The following MAGI2 variants were observed in gnomAD, a reference collection of about 807,000 sequenced individuals.
The protein encoded by MAGI2 is membrane-associated guanylate kinase, WW and PDZ domain-containing protein 2.
In MAGI2, 35 loss-of-function variants were observed where a neutral mutation model predicts 133.3. That is an observed-to-expected ratio of 0.26 (90% confidence interval 0.20 to 0.35). The LOEUF (loss-of-function observed/expected upper bound fraction) is 0.35. MAGI2 is among the 10% of genes least tolerant of loss of function. MAGI2 has a pLI of 1.00. For synonymous variants in MAGI2, 729 were observed against 710.6 expected (o/e 1.03, Z -0.41); for missense variants, 1,636 against 1,863.4 (o/e 0.88, Z 2.25).
chr7:78,036,053 C>CTGTGTGTG (rs1428976240), intron 21 of MAGI2, among the ~76,000 whole-genome samples: 5 of 101,866 alleles, frequency 4.9e-5, no homozygotes, highest in African/African-American at 1.3e-4. Flanking sequence ...GTGTGTGTGT[C>CTGTGTGTG]TGCGTGTGTG....
chr7:78,698,574 G>A (rs1237224403), intron 2 of MAGI2, among the ~76,000 whole-genome samples: 1 of 152,144 alleles, frequency 6.6e-6, no homozygotes, highest in East Asian at 1.9e-4. Flanking sequence ...TATCCTGATA[G>A]ATACTTATTT....
chr7:78,419,266 A>T (rs927056815), intron 6 of MAGI2, among the ~76,000 whole-genome samples: 3 of 152,142 alleles, frequency 2.0e-5, no homozygotes, highest in Non-Finnish European at 4.4e-5. Flanking sequence ...GCCAAGAGGA[A>T]CCTTGGACAA....
intron 7 of MAGI2, among the ~76,000 whole-genome samples, chr7:78,366,991 A>T (rs1368204721): frequency 6.6e-6 from 1 of 152,222 alleles, no homozygotes; most frequent in East Asian, 1.9e-4. Context: ...TGTCAGCCTG[A>T]TCTAATTATA....
At chr7:78,298,432 A>ATGTT (rs1797510758) in intron 9 of MAGI2, among the ~76,000 whole-genome samples, 3 of 152,306 alleles carry the variant, frequency 2.0e-5, no homozygotes, top group Middle Eastern at 3.4e-3. Flanking sequence ...CTAAGGTAAG[A>ATGTT]TGTTAAGAAG....
chr7:79,026,121 G>A (rs943134164), intron 1 of MAGI2, among the ~76,000 whole-genome samples: 4 of 152,152 alleles, frequency 2.6e-5, no homozygotes, highest in African/African-American at 9.7e-5. Flanking sequence ...AGGCTACATT[G>A]CCTCTAGAAA....
At chr7:78,137,658 T>C (rs1822295699) in intron 16 of MAGI2, among the ~76,000 whole-genome samples, 1 of 152,136 alleles carries the variant, frequency 6.6e-6, no homozygotes, top group African/African-American at 2.4e-5. Context: ...AAGAGATGTG[T>C]TGGGTGGATT....
chr7:79,409,213 A>G (rs1033034990), intron 1 of MAGI2, among the ~76,000 whole-genome samples: 1 of 151,504 alleles, frequency 6.6e-6, no homozygotes, highest in African/African-American at 2.4e-5. Context: ...TAGAGGGGCC[A>G]AAGAATTAAA....
chr7:79,235,169 G>T (rs1219557177), intron 1 of MAGI2, among the ~76,000 whole-genome samples: 1 of 152,016 alleles, frequency 6.6e-6, no homozygotes, highest in Non-Finnish European at 1.5e-5. Context: ...CTCCAGCTGC[G>T]TGTTGGGAGA....
At chr7:78,234,168 A>G (rs1212165660) in intron 10 of MAGI2, among the ~76,000 whole-genome samples, 1 of 152,204 alleles carries the variant, frequency 6.6e-6, no homozygotes, top group Non-Finnish European at 1.5e-5. Flanking sequence ...TCCCAAATTT[A>G]TAGCCATTTA....
intron 2 of MAGI2, among the ~76,000 whole-genome samples, chr7:78,635,084 C>T (rs1809485312): frequency 6.6e-6 from 1 of 152,100 alleles, no homozygotes; most frequent in Admixed American, 6.6e-5. Context: ...TGAACAACAC[C>T]TCCTTCATGA....
intron 20 of MAGI2, among the ~76,000 whole-genome samples, chr7:78,083,382 G>GC (rs1419631431): frequency 1.2e-4 from 8 of 67,822 alleles, no homozygotes; most frequent in Admixed American, 2.8e-4. Context: ...GAGGGAGGGA[G>GC]GGGGGGAGAG....
At chr7:78,723,331 C>T (rs986645128) in intron 2 of MAGI2, among the ~76,000 whole-genome samples, 2 of 152,120 alleles carry the variant, frequency 1.3e-5, no homozygotes, top group African/African-American at 4.8e-5. Context: ...TTATTTAGCA[C>T]TTACTAAATT....
At chr7:79,378,881 T>C (rs180836045) in intron 1 of MAGI2, among the ~76,000 whole-genome samples, 152 of 146,140 alleles carry the variant, frequency 1.0e-3, no homozygotes, top group African/African-American at 3.3e-3. Context: ...CAAAAATTTC[T>C]TGTAAACTTT....
intron 3 of MAGI2, among the ~76,000 whole-genome samples, chr7:78,589,975 G>A (rs1803825685): frequency 6.6e-6 from 1 of 152,172 alleles, no homozygotes; most frequent in East Asian, 1.9e-4. Flanking sequence ...TTGACAAACT[G>A]CTATGAAACT....
At position 78,540,010 on chromosome 7, in the gene MAGI2, G is replaced by C. The variant is rs375617225; in HGVS notation, c.539-18365C>G. Among the ~76,000 whole-genome samples, 5 of 152,200 alleles carry C rather than the reference G, an allele frequency of 3.3e-5. No homozygotes were observed. In the East Asian group the frequency reaches 7.7e-4, roughly 23 times the overall value. ...TGAGTTGCTGTAATGGCTTGAGTTG[G>C]TTGGCCTCCAGCCAGGAGGTGGCGC... is the stretch of plus-strand genomic sequence containing the variant. On this transcript the variant is annotated intron_variant, in intron 3 of 21. Transcript: ENST00000354212.
At chr7:78,704,782 T>TTATTTTTTCC (rs1554535274) in intron 2 of MAGI2, among the ~76,000 whole-genome samples, 6 of 143,436 alleles carry the variant, frequency 4.2e-5, no homozygotes, top group African/African-American at 1.6e-4. Context: ...ATTATTCTTT[T>TTATTTTTTCC]TTTTTTTTTT....
At chr7:79,116,240 T>A (rs1392431071) in intron 1 of MAGI2, among the ~76,000 whole-genome samples, 1 of 152,178 alleles carries the variant, frequency 6.6e-6, no homozygotes, top group Non-Finnish European at 1.5e-5. Flanking sequence ...ATTCCCTTAG[T>A]TAAAAGTGGC....
intron 1 of MAGI2, among the ~76,000 whole-genome samples, chr7:79,356,487 T>C (rs142490067): frequency 1.8e-3 from 274 of 152,260 alleles, no homozygotes; most frequent in African/African-American, 6.2e-3. Context: ...AAAAAAAGTT[T>C]CCAAATGTTT....
intron 3 of MAGI2, among the ~76,000 whole-genome samples, chr7:78,586,977 C>T (rs2080282): frequency 0.77 from 117,357 of 152,128 alleles, 45,356 homozygotes; most frequent in East Asian, 0.91. Context: ...TGTTCATTCA[C>T]TGATGAACAT....
Sources: gnomAD v4.1 joint callset for allele counts (sites outside exome capture counted in the v4.1 genomes callset) on GRCh38, gnomAD v4.1.1 for gene constraint, MANE v1.5 for transcripts, NCBI Gene and HGNC (gene_info 2026-07-23, HGNC 2026-07-21) for gene names.